TULP4: variants seen among roughly 807,000 people sequenced by gnomAD.
The protein encoded by TULP4 is TUB like protein 4, also known as tubby-related protein 4.
In TULP4, 16 loss-of-function variants were observed where a neutral mutation model predicts 129.0. That is an observed-to-expected ratio of 0.12 (90% CI 0.08 to 0.19). The LOEUF is 0.19. TULP4 is among the 10% of genes least tolerant of loss of function. The pLI is 1.00. For synonymous variants in TULP4, 998 were observed against 854.0 expected, an observed-to-expected ratio of 1.17 and a Z score of -2.94; for missense variants, 1,842 against 2,059.1, an observed-to-expected ratio of 0.89 and a Z score of 2.04.
intron 1 of TULP4, among the ~76,000 whole-genome samples, chr6:158,351,062 G>A (rs796727977): frequency 2.0e-5 from 3 of 152,226 alleles, no homozygotes; most frequent in African/African-American, 7.2e-5. Flanking sequence ...CCCTGTTTTG[G>A]TCTTTATCAG....
At chr6:158,412,255 A>G (rs570386515) in intron 1 of TULP4, among the ~76,000 whole-genome samples, 1 of 152,318 alleles carries the variant, frequency 6.6e-6, no homozygotes, top group Admixed American at 6.5e-5. Flanking sequence ...GAACAGCCTC[A>G]GGGAACATTC....
chr6:158,259,367 T>C (rs145479582), intron 1 of TULP4, among the ~76,000 whole-genome samples: 59 of 152,326 alleles, frequency 3.9e-4, no homozygotes, highest in African/African-American at 1.3e-3. Flanking sequence ...CCACTGACTT[T>C]TGAGGTTATG....
intron 5 of TULP4, among the ~76,000 whole-genome samples, chr6:158,453,127 C>T (rs948259626): frequency 6.6e-6 from 1 of 152,032 alleles, no homozygotes; most frequent in Non-Finnish European, 1.5e-5. Flanking sequence ...CATTACCGTG[C>T]GCTACTGCTG....
intron 2 of TULP4, among the ~76,000 whole-genome samples, chr6:158,425,588 T>G (rs1322028509): frequency 6.7e-6 from 1 of 150,216 alleles, no homozygotes; most frequent in Non-Finnish European, 1.5e-5. Flanking sequence ...TTTTTGTTTC[T>G]GTTTTAGGTT....
rs765470773 is a variant in TULP4, at chr6:158,502,687, C to G, written c.3024C>G (p.Pro1008=). 1.3e-6 allele frequency: 2 copies of G among 1,556,652 alleles called. No individual in the cohort carries two copies. Among genetic ancestry groups the G allele is most frequent in the South Asian group, 1.2e-5 (1 of 83,768 alleles). The change falls in exon 13 of 14, where the codon CCC becomes CCG. Residue 1008 remains proline, a synonymous_variant. Transcript: ENST00000367097. ...AGCTGGCCGACAGCCCGCGGGCCCC[C>G]CTGCAGCCCCTGGCCAAGTCCAAGG... ...MAQLADSPRA[P]LQPLAKSKGG...
intron 1 of TULP4, among the ~76,000 whole-genome samples, chr6:158,347,453 C>T (rs954572936): frequency 2.8e-4 from 42 of 152,188 alleles, no homozygotes; most frequent in Admixed American, 1.2e-3. Flanking sequence ...TACCAGGCTT[C>T]TCTTCTGGAC....
intron 1 of TULP4, among the ~76,000 whole-genome samples, chr6:158,352,675 G>A (rs748653419): frequency 3.9e-5 from 6 of 152,206 alleles, no homozygotes; most frequent in South Asian, 4.1e-4. Context: ...GATTACAGGC[G>A]TGAGCCACCG....
At chr6:158,262,368 T>C (rs867086246) in intron 1 of TULP4, among the ~76,000 whole-genome samples, 1 of 152,180 alleles carries the variant, frequency 6.6e-6, no homozygotes, top group South Asian at 2.1e-4. Context: ...AAGTAACTGG[T>C]AACACGCCTA....
At chr6:158,383,025 G>A (rs531241518) in intron 1 of TULP4, among the ~76,000 whole-genome samples, 1 of 152,342 alleles carries the variant, frequency 6.6e-6, no homozygotes, top group East Asian at 1.9e-4. Flanking sequence ...CAAGGTCGCA[G>A]CCAATTTAGC....
intron 6 of TULP4, among the ~76,000 whole-genome samples, chr6:158,476,553 G>A (rs1343959002): frequency 3.3e-5 from 5 of 152,128 alleles, no homozygotes; most frequent in South Asian, 2.1e-4. Context: ...CCTCGCCTTC[G>A]AGATGTGCCA....
chr6:158,281,716 C>G (rs1210124996), upstream of TULP4, among the ~76,000 whole-genome samples: 1 of 152,144 alleles, frequency 6.6e-6, no homozygotes, highest in Non-Finnish European at 1.5e-5. Flanking sequence ...TAACCTAGCC[C>G]TTAAAACACT....
intron 1 of TULP4, among the ~76,000 whole-genome samples, chr6:158,400,808 G>A (rs1408650832): frequency 2.6e-5 from 4 of 152,104 alleles, no homozygotes; most frequent in African/African-American, 9.7e-5. Flanking sequence ...TAGCCGAGGT[G>A]TGTGTTATAG....
chr6:158,505,746 G>A (rs887492661), intron 13 of TULP4, among the ~76,000 whole-genome samples: 1 of 152,192 alleles, frequency 6.6e-6, no homozygotes, highest in Non-Finnish European at 1.5e-5. Context: ...CAGTGGTGGT[G>A]CTACTTCTCT....
At chr6:158,340,930 GC>G (rs1255146056) in intron 1 of TULP4, among the ~76,000 whole-genome samples, 1 of 152,126 alleles carries the variant, frequency 6.6e-6, no homozygotes, top group Non-Finnish European at 1.5e-5. Context: ...GAATTTTAAG[GC>G]TCTCTCTGTT....
upstream of TULP4, among the ~76,000 whole-genome samples, chr6:158,308,517 T>C (rs1164608762): frequency 1.6e-4 from 24 of 151,942 alleles, no homozygotes; most frequent in East Asian, 5.9e-4. Context: ...AGCTGTTGGG[T>C]ACACCTCCCA....
chr6:158,300,091 G>C lies in TULP4; in HGVS notation n.117-11960G>C, dbSNP rs527413745. ...TGCCAGTTTCTGAGGAGTCGGCACA[G>C]ATCTCACCAGGTATGAAGGTGGTCT... On this transcript the variant is annotated intron_variant and non_coding_transcript_variant, in intron 1 of 1. Transcript: ENST00000432358. Among the ~76,000 whole-genome samples, 5 of 152,304 alleles carry C rather than the reference G, an allele frequency of 3.3e-5. No homozygotes were observed. In the South Asian group the frequency reaches 1.0e-3, roughly 32 times the overall value.
rs140516297 is a variant in TULP4, at chr6:158,368,217, A to G, written c.253-44848A>G. On this transcript the variant is annotated intron_variant, in intron 1 of 13. Coordinates refer to ENST00000367097, the MANE Select transcript of TULP4 (RefSeq NM_020245.5). ...TCATTATCTGAAGAGTAATTATCTA[A>G]AAGTATGATTTGAATTTTTGCATAA... Among the ~76,000 whole-genome samples, 1,007 of 152,260 alleles carry G rather than the reference A, an allele frequency of 6.6e-3. 9 individuals are homozygous for G. Among genetic ancestry groups the G allele is most frequent in the African/African-American group, 0.024 (985 of 41,548 alleles).
intron 1 of TULP4, among the ~76,000 whole-genome samples, chr6:158,322,139 TC>T (rs1394281026): frequency 2.0e-5 from 3 of 152,240 alleles, no homozygotes; most frequent in Non-Finnish European, 4.4e-5. Context: ...AAGTACTTAA[TC>T]TGTACAACAG....
At position 158,440,317 on chromosome 6, in the gene TULP4, C is replaced by CAAA. The variant is rs34200003; in HGVS notation, c.544-8657_544-8655dup. ...TGGATGACAGAGTGAGTCCCTGTCT[C>CAAA]AAAAAAAAAAAAAAAAAAAAAAAAT... is the stretch of plus-strand genomic sequence containing the variant. On this transcript the variant is annotated intron_variant, in intron 3 of 13. Coordinates refer to ENST00000367097, the MANE Select transcript of TULP4 (RefSeq NM_020245.5). 5.9e-4 allele frequency among the ~76,000 whole-genome samples: 51 copies of CAAA among 85,850 alleles called. 1 individual carries two copies. The highest frequency in any genetic ancestry group is 1.5e-3 in the Admixed American group (10 of 6,672). The allele number at this position is 85,850 out of a possible 152,430, so 56.3% of individuals were successfully genotyped here.
Sources: allele counts gnomAD v4.1 joint callset (sites outside exome capture counted in the v4.1 genomes callset), GRCh38; gene constraint gnomAD v4.1.1; transcripts MANE v1.5; gene names NCBI Gene and HGNC (gene_info 2026-07-23, HGNC 2026-07-21).